The following SIAH3 variants were observed in gnomAD, a reference collection of about 807,000 sequenced individuals.
The protein encoded by SIAH3 is seven in absentia homolog 3.
A neutral mutation model predicts 12.6 loss-of-function variants in SIAH3; 9 were observed. That is an observed-to-expected ratio of 0.72 (90% CI 0.43 to 1.25). The LOEUF is 1.25. SIAH3 is among the 50% of genes most tolerant of loss of function. SIAH3 has a pLI of 0.00. For synonymous variants in SIAH3, 154 were observed against 151.1 expected, an observed-to-expected ratio of 1.02 and a Z score of -0.14; for missense variants, 390 against 365.4, an observed-to-expected ratio of 1.07 and a Z score of -0.55.
At chr13:45,788,117 T>A (rs1294661427) in intron 1 of SIAH3, among the ~76,000 whole-genome samples, 7 of 152,250 alleles carry the variant, frequency 4.6e-5, no homozygotes, top group African/African-American at 1.4e-4. Flanking sequence ...TGCCCTGGGA[T>A]GGTGCTCAGA....
intron 1 of SIAH3, among the ~76,000 whole-genome samples, chr13:45,818,166 G>A (rs1276487644): frequency 6.6e-6 from 1 of 152,156 alleles, no homozygotes; most frequent in Admixed American, 6.5e-5. Context: ...CCACCTGCCC[G>A]CAGTGGTAAC....
intron 1 of SIAH3, among the ~76,000 whole-genome samples, chr13:45,786,862 T>C (rs770316326): frequency 6.6e-6 from 1 of 152,188 alleles, no homozygotes; most frequent in East Asian, 1.9e-4. Context: ...TGAGGACAGA[T>C]AGAATGTCCT....
chr13:45,801,721 A>G (rs1380936058), intron 1 of SIAH3, among the ~76,000 whole-genome samples: 1 of 152,126 alleles, frequency 6.6e-6, no homozygotes, highest in African/African-American at 2.4e-5. Flanking sequence ...TCATTTCAGC[A>G]TTTTACAAAG....
chr13:45,830,090 C>T (rs1276112195), intron 1 of SIAH3, among the ~76,000 whole-genome samples: 1 of 152,206 alleles, frequency 6.6e-6, no homozygotes, highest in African/African-American at 2.4e-5. Context: ...ATCTTCATAA[C>T]ACATGAGAAA....
intron 1 of SIAH3, among the ~76,000 whole-genome samples, chr13:45,834,325 G>A (rs1387884833): frequency 2.0e-5 from 3 of 152,296 alleles, no homozygotes; most frequent in East Asian, 3.9e-4. Context: ...TCTACCAGGG[G>A]AAAGAAAAGG....
chr13:45,801,754 T>C (rs1950583162), intron 1 of SIAH3, among the ~76,000 whole-genome samples: 1 of 152,152 alleles, frequency 6.6e-6, no homozygotes, highest in Non-Finnish European at 1.5e-5. Flanking sequence ...TAGTACCTCA[T>C]GTAAATTTGA....
At chr13:45,805,616 A>G (rs1950596160) in intron 1 of SIAH3, among the ~76,000 whole-genome samples, 1 of 152,202 alleles carries the variant, frequency 6.6e-6, no homozygotes. Flanking sequence ...ACCTCAAACT[A>G]TAAAAATCTT....
intron 1 of SIAH3, among the ~76,000 whole-genome samples, chr13:45,829,760 T>C (rs565259633): frequency 6.6e-6 from 1 of 152,128 alleles, no homozygotes; most frequent in Non-Finnish European, 1.5e-5. Context: ...TTTCCCTTTC[T>C]GTATTTTTTT....
rs867642540 is a variant in SIAH3, at chr13:45,797,149, T to G, written c.136-13092A>C. 2.3e-3 allele frequency among the ~76,000 whole-genome samples: 86 copies of G among 37,278 alleles called. No individual in the cohort carries two copies. The Middle Eastern group carries it at 0.043, about 18-fold the overall frequency. 24.5% of individuals were successfully genotyped at this position (37,278 alleles called of 152,430 possible). A position where few individuals can be genotyped will look rare whatever the true frequency, so the allele number is the denominator to read the frequency against. ...AATTCAAATCGTCTCTATGCAGGTTTTTTTTTTTTTTTAACACAATTCACC... is the reference window on the plus strand; with the variant it reads ...AATTCAAATCGTCTCTATGCAGGTTGTTTTTTTTTTTTAACACAATTCACC... On this transcript the variant is annotated intron_variant, in intron 1 of 1. Transcript: ENST00000400405.
intron 1 of SIAH3, among the ~76,000 whole-genome samples, chr13:45,814,805 C>T (rs541968248): frequency 1.6e-4 from 25 of 151,866 alleles, no homozygotes; most frequent in Admixed American, 4.6e-4. Flanking sequence ...GCACTGCAAC[C>T]TCTGCCTTCC....
At chr13:45,839,303 G>C (rs1014839983) in intron 1 of SIAH3, among the ~76,000 whole-genome samples, 1 of 151,690 alleles carries the variant, frequency 6.6e-6, no homozygotes, top group Non-Finnish European at 1.5e-5. Flanking sequence ...GAGAGCATTT[G>C]CATTTCCAAT....
chr13:45,789,360 CTAT>C (rs1950538112), intron 1 of SIAH3, among the ~76,000 whole-genome samples: 1 of 4,224 alleles, frequency 2.4e-4, no homozygotes, highest in Admixed American at 2.9e-3. Context: ...TATCTATCAT[CTAT>C]CTATCTATCT....
chr13:45,799,807 C>G (rs1373295079), intron 1 of SIAH3, among the ~76,000 whole-genome samples: 1 of 152,214 alleles, frequency 6.6e-6, no homozygotes, highest in Non-Finnish European at 1.5e-5. Flanking sequence ...AACCAGCTTG[C>G]TCATTTAGTT....
At chr13:45,798,963 C>T (rs1386008159) in intron 1 of SIAH3, among the ~76,000 whole-genome samples, 1 of 152,192 alleles carries the variant, frequency 6.6e-6, no homozygotes, top group Non-Finnish European at 1.5e-5. Context: ...AGTCCTCCAT[C>T]CCAGATCTAC....
chr13:45,851,151 C>A (rs942416562), intron 1 of SIAH3, among the ~76,000 whole-genome samples: 5 of 152,146 alleles, frequency 3.3e-5, no homozygotes, highest in African/African-American at 1.2e-4. Context: ...TGAGCACTTG[C>A]CCACAAATAG....
chr13:45,797,212 T>G (rs1020829118), intron 1 of SIAH3, among the ~76,000 whole-genome samples: 2 of 152,092 alleles, frequency 1.3e-5, no homozygotes, highest in African/African-American at 4.8e-5. Flanking sequence ...TTTGTTCATA[T>G]TTCCCCCATT....
chr13:45,832,571 G>A (rs1474515983), intron 1 of SIAH3, among the ~76,000 whole-genome samples: 2 of 152,134 alleles, frequency 1.3e-5, no homozygotes, highest in Admixed American at 1.3e-4. Context: ...TGCCACATTT[G>A]TTTATTGATT....
Position 45,817,944 on chromosome 13 carries a change from C to T in SIAH3, c.135+33551G>A, listed in dbSNP as rs76438035. Among the ~76,000 whole-genome samples the T allele has an allele frequency of 8.3e-3, 1,261 of 152,266 alleles. 21 individuals carry two copies. The highest frequency in any genetic ancestry group is 0.027 in the African/African-American group (1,141 of 41,528). ...GGAGAGACCACCTGCCTGTTATCTA[C>T]GTTGCAGAAGGTACAGTAGAGGCCC... On this transcript the variant is annotated intron_variant, in intron 1 of 1. Coordinates refer to ENST00000400405, the MANE Select transcript of SIAH3 (RefSeq NM_198849.3).
chr13:45,797,133 C>T (rs992156737), intron 1 of SIAH3, among the ~76,000 whole-genome samples: 2 of 138,378 alleles, frequency 1.4e-5, no homozygotes, highest in Non-Finnish European at 3.1e-5. Flanking sequence ...CAATTCAAAT[C>T]GTCTCTATGC....
Sources: allele counts gnomAD v4.1 joint callset (sites outside exome capture counted in the v4.1 genomes callset), GRCh38; gene constraint gnomAD v4.1.1; transcripts MANE v1.5; gene names NCBI Gene and HGNC (gene_info 2026-07-23, HGNC 2026-07-21).